Variants in ART1 observed in about 807,000 individuals in gnomAD.
ART1 encodes the protein GPI-linked NAD(P)(+)--arginine ADP-ribosyltransferase 1.
Under a neutral mutation model 27.0 loss-of-function variants are expected in ART1, and 29 were observed. That is an observed-to-expected ratio of 1.08 (90% CI 0.80 to 1.47). The LOEUF (loss-of-function observed/expected upper bound fraction) is 1.47. Ranked by LOEUF, ART1 falls within the 40% of genes most tolerant of loss-of-function variation. The probability of loss-of-function intolerance (pLI) is 0.00; values close to 1 mark genes in which losing one functional copy is unlikely to be tolerated. For synonymous variants in ART1, 201 were observed against 172.2 expected, an observed-to-expected ratio of 1.17 and a Z score of -1.31; for missense variants, 480 against 423.0, an observed-to-expected ratio of 1.13 and a Z score of -1.18.
intron 1 of ART1, among the ~76,000 whole-genome samples, chr11:3,646,697 C>T (rs1485387090): frequency 6.6e-6 from 1 of 152,168 alleles, no homozygotes; most frequent in Non-Finnish European, 1.5e-5. Context: ...CATCTCTTCC[C>T]TGATTTCAAT....
Position 3,655,038 on chromosome 11 carries a change from A to T in ART1, c.-52-4124A>T, listed in dbSNP as rs572721131. On this transcript the variant is annotated intron_variant, in intron 1 of 4. Coordinates refer to ENST00000250693, the MANE Select transcript of ART1 (RefSeq NM_004314.3). Reference sequence around the variant, plus strand: ...CAGTGGCAAACAAACATTTACTCCCAGGCTCATGGTCTTTGGGTTGACGGC... The same window carrying T: ...CAGTGGCAAACAAACATTTACTCCCTGGCTCATGGTCTTTGGGTTGACGGC... Among the ~76,000 whole-genome samples the T allele has an allele frequency of 2.0e-5, 3 of 152,300 alleles. No homozygotes were observed. The South Asian group carries it at 6.2e-4, about 32-fold the overall frequency.
chr11:3,646,860 A>G lies in ART1; in HGVS notation c.-53+1681A>G, dbSNP rs868597041. 8.5e-5 allele frequency among the ~76,000 whole-genome samples: 13 copies of G among 152,310 alleles called. No homozygotes were observed. The Middle Eastern group carries it at 0.014, about 159-fold the overall frequency. On this transcript the variant is annotated intron_variant, in intron 1 of 4. Coordinates refer to ENST00000250693, the MANE Select transcript of ART1 (RefSeq NM_004314.3). ...CATTTTTACTGAGCACCTGCTTTGT[A>G]CTGGGACTACAATAATGAGCAAGAT...
At chr11:3,645,217 G>A (rs2077463216) in intron 1 of ART1, 38 bp downstream of exon 1, 1 of 152,150 alleles carries the variant, frequency 6.6e-6, no homozygotes, top group African/African-American at 2.4e-5. Flanking sequence ...GTGCTGGGCA[G>A]GAAAAGTGGT....
At chr11:3,653,444 C>A (rs898230439) in intron 1 of ART1, among the ~76,000 whole-genome samples, 2 of 148,400 alleles carry the variant, frequency 1.3e-5, no homozygotes, top group Non-Finnish European at 2.9e-5. Flanking sequence ...GTGACCCCCA[C>A]TCTGACTGCC....
chr11:3,658,065 G>T (rs1356842932), intron 1 of ART1, among the ~76,000 whole-genome samples: 2 of 152,064 alleles, frequency 1.3e-5, no homozygotes, highest in African/African-American at 4.8e-5. Flanking sequence ...CGGCATGGTG[G>T]CTCACACCTG....
At chr11:3,657,832 A>G (rs2077586453) in intron 1 of ART1, among the ~76,000 whole-genome samples, 1 of 152,226 alleles carries the variant, frequency 6.6e-6, no homozygotes, top group African/African-American at 2.4e-5. Flanking sequence ...AGTATTATGT[A>G]TAATATTTTA....
Position 3,655,608 on chromosome 11 carries a change from C to G in ART1, c.-52-3554C>G, listed in dbSNP as rs1337435246. The G allele has an allele frequency of 2.0e-5, 3 of 152,226 alleles. No individual in the cohort carries two copies. In the East Asian group the frequency reaches 5.8e-4, roughly 29 times the overall value. The allele number at this position is 152,226 out of a possible 1,614,324, so 9.4% of individuals were successfully genotyped here. A position where few individuals can be genotyped will look rare whatever the true frequency, so the allele number is the denominator to read the frequency against. Reference sequence around the variant, plus strand: ...ACTATCCACTGTACCTGCATGTGGACTCGAAGACAGTCTCCGGGAATATGG... The same window carrying G: ...ACTATCCACTGTACCTGCATGTGGAGTCGAAGACAGTCTCCGGGAATATGG... On this transcript the variant is annotated intron_variant, in intron 1 of 4. Coordinates refer to ENST00000250693, the MANE Select transcript of ART1 (RefSeq NM_004314.3).
chr11:3,652,794 G>C (rs1300250388), intron 1 of ART1, among the ~76,000 whole-genome samples: 1 of 151,066 alleles, frequency 6.6e-6, no homozygotes, highest in Non-Finnish European at 1.5e-5. Flanking sequence ...ATATCTCCTG[G>C]TGCTATCCCC....
rs1198996619 is a variant in ART1, at chr11:3,664,202, G to A, written c.*13G>A. 1.4e-5 allele frequency: 22 copies of A among 1,612,112 alleles called. No individual in the cohort carries two copies. The highest frequency in any genetic ancestry group is 1.7e-4 in the Middle Eastern group (1 of 6,054). The stretch of plus-strand genomic sequence containing the variant: ...AGGCCTCCTTTGATGCATGAGACAC[G>A]GGACAGCCTCGCCTGCTGCCTCTGC... On this transcript the variant is annotated 3_prime_UTR_variant, in exon 5 of 5. Coordinates refer to ENST00000250693, the MANE Select transcript of ART1 (RefSeq NM_004314.3).
intron 1 of ART1, among the ~76,000 whole-genome samples, chr11:3,647,417 C>A (rs2133945194): frequency 6.6e-6 from 1 of 152,066 alleles, no homozygotes; most frequent in Middle Eastern, 3.4e-3. Context: ...AGGTGGATCA[C>A]CTGAGGTCAG....
At chr11:3,649,563 C>G (rs2077500719) in intron 1 of ART1, among the ~76,000 whole-genome samples, 1 of 152,196 alleles carries the variant, frequency 6.6e-6, no homozygotes, top group Non-Finnish European at 1.5e-5. Flanking sequence ...CGTCTGACGT[C>G]TCCCCTCCTC....
intron 1 of ART1, among the ~76,000 whole-genome samples, chr11:3,653,491 T>G (rs1037269029): frequency 6.6e-6 from 1 of 150,848 alleles, no homozygotes; most frequent in African/African-American, 2.5e-5. Flanking sequence ...TTTTCCTTTA[T>G]CTACCCAAAT....
intron 1 of ART1, among the ~76,000 whole-genome samples, chr11:3,645,387 A>G (rs1414566396): frequency 6.6e-6 from 1 of 152,096 alleles, no homozygotes; most frequent in African/African-American, 2.4e-5. Context: ...CCAGGAGGGT[A>G]TGTTCAGCAA....
In ART1 at chr11:3,660,005, G is replaced by C. The variant is rs754871942; in HGVS notation, c.486G>C (p.Leu162=). The C allele has an allele frequency of 1.9e-6, 3 of 1,613,854 alleles. No homozygotes were observed. The African/African-American group carries it at 4.0e-5, about 22-fold the overall frequency. ...KTLHFLLTEA[L]QLLGSGQRPP... The stretch of plus-strand genomic sequence containing the variant: ...TCCATTTCCTGCTGACTGAGGCCCT[G>C]CAGCTCCTGGGCAGCGGCCAGCGTC... The change falls in exon 3 of 5, where the codon CTG becomes CTC. Residue 162 remains leucine, a synonymous_variant. Transcript: ENST00000250693.
intron 1 of ART1, among the ~76,000 whole-genome samples, chr11:3,648,247 TA>T (rs1345263618): frequency 5.3e-5 from 8 of 152,158 alleles, no homozygotes; most frequent in African/African-American, 1.9e-4. Context: ...CCCAGGTGAT[TA>T]AAAGCTTTAT....
rs1265249048 is a variant in ART1, at chr11:3,648,107, A to AC, written c.-53+2933dup. On this transcript the variant is annotated intron_variant, in intron 1 of 4. Coordinates refer to ENST00000250693, the MANE Select transcript of ART1 (RefSeq NM_004314.3). ...AAGCTCCCCTACTGAGCACCTTGTG[A>AC]CCCCCACTCTGCCTGCCAGAGAACA... Among the ~76,000 whole-genome samples the AC allele has an allele frequency of 2.0e-5, 3 of 151,464 alleles. No individual in the cohort carries two copies. The East Asian group carries it at 5.8e-4, about 29-fold the overall frequency.
rs143404563 is a variant in ART1, at chr11:3,648,895, G to A, written c.-53+3716G>A. ...TCCTTCACCCTTAGCGGCAAGTCCCGCTTTTCTAGGAGGAAAGAACCCCCA... is the reference window on the plus strand; with the variant it reads ...TCCTTCACCCTTAGCGGCAAGTCCCACTTTTCTAGGAGGAAAGAACCCCCA... On this transcript the variant is annotated intron_variant, in intron 1 of 4. Transcript: ENST00000250693. 8.3e-3 allele frequency among the ~76,000 whole-genome samples: 1,264 copies of A among 151,908 alleles called. 16 individuals are homozygous for A. The highest frequency in any genetic ancestry group is 0.028 in the African/African-American group (1,147 of 41,382).
At chr11:3,653,636 A>G (rs1250304386) in intron 1 of ART1, among the ~76,000 whole-genome samples, 1 of 152,176 alleles carries the variant, frequency 6.6e-6, no homozygotes, top group South Asian at 2.1e-4. Flanking sequence ...GACGCGCATG[A>G]AAAGAGGAGC....
intron 1 of ART1, chr11:3,655,714 C>T: frequency 6.6e-6 from 1 of 152,170 alleles, no homozygotes; most frequent in Non-Finnish European, 1.5e-5. Flanking sequence ...TCTGATTGGC[C>T]TTCTTGGGTC....
Sources: gnomAD v4.1 joint callset for allele counts (sites outside exome capture counted in the v4.1 genomes callset) on GRCh38, gnomAD v4.1.1 for gene constraint, MANE v1.5 for transcripts, NCBI Gene and HGNC (gene_info 2026-07-23, HGNC 2026-07-21) for gene names.